Variants in FSTL4 observed in about 807,000 individuals in gnomAD.
FSTL4 encodes the protein follistatin like 4.
FSTL4 carries 28 observed loss-of-function variants against 78.2 expected under a neutral mutation model. The observed-to-expected ratio is 0.36, with a 90% confidence interval of 0.27 to 0.49. FSTL4 has a LOEUF of 0.49. Ranked by LOEUF, FSTL4 falls within the 20% of genes least tolerant of loss-of-function variation. FSTL4 has a pLI of 0.98. For missense variants in FSTL4, 922 were observed against 1,084.9 expected (o/e 0.85, Z 2.11); for synonymous variants, 422 against 440.5 (o/e 0.96, Z 0.53).
chr5:133,696,482 C>G, the FSTL4 span, among the ~76,000 whole-genome samples: 1 of 152,260 alleles, frequency 6.6e-6, no homozygotes, highest in Non-Finnish European at 1.5e-5. Flanking sequence ...GTCCTCGAAG[C>G]CCCAGAGCCC....
the FSTL4 span, among the ~76,000 whole-genome samples, chr5:133,668,189 C>G: frequency 6.6e-6 from 1 of 152,190 alleles, no homozygotes; most frequent in African/African-American, 2.4e-5. Context: ...TCAGTCACTG[C>G]AGGCACGCTT....
chr5:133,839,944 C>A, the FSTL4 span, among the ~76,000 whole-genome samples: 1 of 152,240 alleles, frequency 6.6e-6, no homozygotes, highest in African/African-American at 2.4e-5. Context: ...CTACAGTGAG[C>A]TGCCCACTCC....
intron 4 of FSTL4, among the ~76,000 whole-genome samples, chr5:133,352,977 C>G (rs1754863417): frequency 6.6e-6 from 1 of 152,182 alleles, no homozygotes; most frequent in South Asian, 2.1e-4. Flanking sequence ...AATTTACAGT[C>G]CAATAATTAT....
At chr5:133,617,817 G>T in the FSTL4 span, among the ~76,000 whole-genome samples, 2 of 152,194 alleles carry the variant, frequency 1.3e-5, no homozygotes, top group African/African-American at 4.8e-5. Flanking sequence ...TCACAGGGGT[G>T]CTTAGGCAGA....
At chr5:133,605,924 C>A (rs1760967356) in intron 1 of FSTL4, among the ~76,000 whole-genome samples, 1 of 152,110 alleles carries the variant, frequency 6.6e-6, no homozygotes, top group Non-Finnish European at 1.5e-5. Context: ...TGGAATAATG[C>A]CGCTTCAGCT....
At chr5:133,495,422 T>G (rs1164185821) in intron 3 of FSTL4, among the ~76,000 whole-genome samples, 3 of 152,244 alleles carry the variant, frequency 2.0e-5, no homozygotes, top group Non-Finnish European at 4.4e-5. Flanking sequence ...TCTCTAAAAT[T>G]GGTTCATTTG....
intron 3 of FSTL4, among the ~76,000 whole-genome samples, chr5:133,516,011 A>T (rs1201716328): frequency 1.3e-5 from 2 of 152,188 alleles, no homozygotes; most frequent in African/African-American, 4.8e-5. Context: ...ACCTTAAGTA[A>T]AGAATACCAA....
intron 3 of FSTL4, among the ~76,000 whole-genome samples, chr5:133,424,489 C>T (rs1409965527): frequency 3.9e-5 from 6 of 152,196 alleles, no homozygotes; most frequent in South Asian, 2.1e-4. Context: ...TTTGCATTTC[C>T]GAGCAGTCTC....
At chr5:133,352,022 AATATTTT>A (rs1257703778) in intron 4 of FSTL4, among the ~76,000 whole-genome samples, 3 of 151,292 alleles carry the variant, frequency 2.0e-5, no homozygotes, top group African/African-American at 7.3e-5. Context: ...TATTGCTTTA[AATATTTT>A]ATTTTGCTTT....
chr5:133,811,625 C>CT, the FSTL4 span, among the ~76,000 whole-genome samples: 1 of 152,350 alleles, frequency 6.6e-6, no homozygotes, highest in South Asian at 2.1e-4. Context: ...GAGTTTTAGA[C>CT]TTTTTCTGGT....
intron 3 of FSTL4, among the ~76,000 whole-genome samples, chr5:133,452,553 C>CT (rs1250975396): frequency 3.3e-5 from 5 of 152,218 alleles, no homozygotes; most frequent in Non-Finnish European, 7.3e-5. Context: ...GTGCTAGGCT[C>CT]TGAGAGGTGC....
At chr5:133,202,848 G>C (rs1750374123) in intron 14 of FSTL4, 1 of 152,356 alleles carries the variant, frequency 6.6e-6, no homozygotes, top group Non-Finnish European at 1.5e-5. Flanking sequence ...TGTGGACTTG[G>C]CAGGAGACAA....
chr5:133,821,385 A>T, the FSTL4 span, among the ~76,000 whole-genome samples: 1 of 152,362 alleles, frequency 6.6e-6, no homozygotes, highest in East Asian at 1.9e-4. Context: ...ATGAAAAGTG[A>T]AAGCAAACAG....
chr5:133,649,939 A>G, the FSTL4 span, among the ~76,000 whole-genome samples: 1 of 150,580 alleles, frequency 6.6e-6, no homozygotes, highest in Non-Finnish European at 1.5e-5. Flanking sequence ...AAAAAAAAAA[A>G]GGTTTATTTG....
At chr5:133,780,677 C>A in the FSTL4 span, among the ~76,000 whole-genome samples, 1 of 152,208 alleles carries the variant, frequency 6.6e-6, no homozygotes, top group Non-Finnish European at 1.5e-5. Flanking sequence ...CAAGCACCTG[C>A]ATAGCATTTA....
intron 4 of FSTL4, among the ~76,000 whole-genome samples, chr5:133,356,661 T>C (rs937060401): frequency 3.3e-5 from 5 of 152,158 alleles, no homozygotes; most frequent in African/African-American, 1.2e-4. Flanking sequence ...ACTTTGTAAG[T>C]GTCAACTGCA....
At chr5:133,615,590 T>C (rs149039874), upstream of FSTL4, among the ~76,000 whole-genome samples, 11 of 152,386 alleles carry the variant, frequency 7.2e-5, no homozygotes, top group East Asian at 2.1e-3. Flanking sequence ...CCTGTATTTA[T>C]AGAAGTTCAG....
intron 3 of FSTL4, among the ~76,000 whole-genome samples, chr5:133,416,993 C>T (rs1756590839): frequency 6.6e-6 from 1 of 152,146 alleles, no homozygotes; most frequent in African/African-American, 2.4e-5. Flanking sequence ...TAATATTGAA[C>T]ATACTTGAAA....
chr5:133,332,790 T>C (rs1467743015), intron 4 of FSTL4, among the ~76,000 whole-genome samples: 2 of 152,196 alleles, frequency 1.3e-5, no homozygotes, highest in East Asian at 1.9e-4. Context: ...AGCCATCAGC[T>C]AAATAAGCCA....
Sources: allele counts gnomAD v4.1 joint callset (sites outside exome capture counted in the v4.1 genomes callset), GRCh38; gene constraint gnomAD v4.1.1; transcripts MANE v1.5; gene names NCBI Gene and HGNC (gene_info 2026-07-23, HGNC 2026-07-21).